The following PROM1 variants were observed in gnomAD, a reference collection of about 807,000 sequenced individuals.
The protein encoded by PROM1 is prominin 1, also known as prominin-1.
PROM1 carries 105 observed loss-of-function variants against 116.9 expected under a neutral mutation model. The observed-to-expected ratio is 0.90, with a 90% CI of 0.77 to 1.06. The LOEUF (loss-of-function observed/expected upper bound fraction) is 1.06. Among genes scored for constraint, PROM1 ranks in the 50% least tolerant of loss-of-function variants. The pLI is 0.00. For synonymous variants in PROM1, 393 were observed against 387.0 expected (o/e 1.02, Z -0.18); for missense variants, 1,122 against 1,045.2 (o/e 1.07, Z -1.01).
At chr4:16,003,195 G>A (rs1289301418) in intron 13 of PROM1, 1 of 425,840 alleles carries the variant, frequency 2.3e-6, no homozygotes, top group Non-Finnish European at 4.8e-6. Flanking sequence ...CAGGGGCCAT[G>A]TGATCTTCCA....
At chr4:16,013,127 C>T in intron 11 of PROM1, 148 bp downstream of exon 11, 1 of 646,138 alleles carries the variant, frequency 1.5e-6, no homozygotes, top group East Asian at 2.6e-5. Flanking sequence ...CCGAATGACA[C>T]AATTGTAAAG....
intron 2 of PROM1, among the ~76,000 whole-genome samples, chr4:16,042,307 T>C (rs1735502127): frequency 6.6e-6 from 1 of 152,206 alleles, no homozygotes; most frequent in Non-Finnish European, 1.5e-5. Flanking sequence ...ATTAAAGAAT[T>C]TTTGATACTA....
intron 2 of PROM1, among the ~76,000 whole-genome samples, chr4:16,050,192 C>T (rs1298102224): frequency 1.3e-5 from 2 of 151,066 alleles, no homozygotes; most frequent in Non-Finnish European, 2.9e-5. Flanking sequence ...ACCCGGGAGT[C>T]AGAGGTTGCA....
At chr4:16,069,796 G>A (rs1037544489) in intron 2 of PROM1, among the ~76,000 whole-genome samples, 4 of 152,198 alleles carry the variant, frequency 2.6e-5, no homozygotes, top group African/African-American at 9.7e-5. Context: ...GAATCAGGCA[G>A]CCCTTGGAAT....
chr4:15,988,995 C>T (rs923464122), intron 19 of PROM1, among the ~76,000 whole-genome samples: 5 of 152,136 alleles, frequency 3.3e-5, no homozygotes, highest in African/African-American at 1.2e-4. Context: ...CCACACACTT[C>T]TCTCCTTGAT....
At chr4:15,979,648 T>C (rs2149033827) in intron 25 of PROM1, among the ~76,000 whole-genome samples, 185 bp from the exon 26 acceptor site, 1 of 152,362 alleles carries the variant, frequency 6.6e-6, no homozygotes, top group Non-Finnish European at 1.5e-5. Context: ...AGGACTACTT[T>C]ATAGATTAAT....
intron 8 of PROM1, among the ~76,000 whole-genome samples, chr4:16,019,167 G>A (rs1729190995): frequency 6.6e-6 from 1 of 152,182 alleles, no homozygotes; most frequent in Non-Finnish European, 1.5e-5. Context: ...ATGCCTCAAA[G>A]GCAGTGGTCT....
chr4:16,003,365 T>A (rs1362351429), intron 13 of PROM1: 1 of 456,608 alleles, frequency 2.2e-6, no homozygotes, highest in African/African-American at 2.0e-5. Flanking sequence ...TTCCCCAAAA[T>A]GGAAATTATT....
At chr4:16,024,380 A>G (rs1456869816) in intron 6 of PROM1, 22 bp from the exon 7 acceptor site, 1 of 1,596,670 alleles carries the variant, frequency 6.3e-7, no homozygotes, top group African/African-American at 1.3e-5. Context: ...ACATTCTGTG[A>G]AACCTCCCCT....
chr4:16,010,838 T>C (rs535888915), intron 11 of PROM1, among the ~76,000 whole-genome samples: 13 of 152,278 alleles, frequency 8.5e-5, no homozygotes, highest in Non-Finnish European at 1.6e-4. Context: ...CACATAGCTA[T>C]GACATCTAGA....
intron 13 of PROM1, among the ~76,000 whole-genome samples, chr4:16,004,786 C>T (rs1724736742): frequency 6.6e-6 from 1 of 150,764 alleles, no homozygotes; most frequent in South Asian, 2.1e-4. Flanking sequence ...TCTTCTCTGT[C>T]CACAGGTACT....
At chr4:16,000,124 G>A (rs967803353) in intron 14 of PROM1, among the ~76,000 whole-genome samples, 2 of 152,242 alleles carry the variant, frequency 1.3e-5, no homozygotes, top group African/African-American at 4.8e-5. Flanking sequence ...CTCCCAGGGT[G>A]TGTGGGAGGA....
intron 2 of PROM1, among the ~76,000 whole-genome samples, chr4:16,049,321 T>C (rs937813751): frequency 1.3e-5 from 2 of 152,210 alleles, no homozygotes; most frequent in Non-Finnish European, 2.9e-5. Flanking sequence ...AGCCAAACCC[T>C]GTTCTGTTCT....
chr4:15,985,727 C>A, intron 22 of PROM1, 33 bp downstream of exon 22: 1 of 1,395,124 alleles, frequency 7.2e-7, no homozygotes, highest in Non-Finnish European at 1.0e-6. Context: ...AAACTTGACC[C>A]CCCTTAACAT....
At position 16,000,484 on chromosome 4, in the gene PROM1, A is replaced by T; in HGVS notation, c.1578+12T>A. The T allele has an allele frequency of 1.3e-6, 2 of 1,570,108 alleles. No homozygotes were observed. The highest frequency in any genetic ancestry group is 1.7e-6 in the Non-Finnish European group (2 of 1,146,824). ...TCAAGTCCTTTCATAATGGGTAGAAAATCATATTTACCCGGAATAATTCCT... is the reference window on the plus strand; with the variant it reads ...TCAAGTCCTTTCATAATGGGTAGAATATCATATTTACCCGGAATAATTCCT... On this transcript the variant is annotated intron_variant, in intron 14 of 27. Transcript: ENST00000447510.
chr4:16,008,800 T>G (rs1294580436), intron 12 of PROM1, 149 bp downstream of exon 12: 2 of 727,358 alleles, frequency 2.7e-6, no homozygotes, highest in East Asian at 5.5e-5. Context: ...CAAATTCTAA[T>G]GAACATAAAC....
intron 13 of PROM1, among the ~76,000 whole-genome samples, chr4:16,006,154 A>G (rs73798804): frequency 0.16 from 24,086 of 152,202 alleles, 2,206 homozygotes; most frequent in African/African-American, 0.25. Flanking sequence ...CCCACAAGAG[A>G]TTGGCTCAGC....
rs760633535 is a variant in PROM1 at position 15,987,720 on chromosome 4, G to C, written c.2077-4C>G. The C allele has an allele frequency of 1.9e-6, 3 of 1,607,892 alleles. No homozygotes were observed. Among genetic ancestry groups the C allele is most frequent in the East Asian group, 2.2e-5 (1 of 44,778 alleles). On this transcript the variant is annotated splice_polypyrimidine_tract_variant and splice_region_variant and intron_variant, in intron 19 of 27. Coordinates refer to ENST00000447510, the MANE Select transcript of PROM1 (RefSeq NM_006017.3). The stretch of plus-strand genomic sequence containing the variant: ...TGACGCTTTGGTATAGAGTGCTCTG[G>C]CAAGAAACAGATAATATTTCCAAAA...
At chr4:15,969,449 G>C (rs1057177440) in intron 27 of PROM1, 81 bp from the exon 28 acceptor site, 4 of 152,132 alleles carry the variant, frequency 2.6e-5, no homozygotes, top group Non-Finnish European at 5.9e-5. Context: ...ATCCTAAAAT[G>C]GTCCCCACCA....
Sources: gnomAD v4.1 joint callset for allele counts (sites outside exome capture counted in the v4.1 genomes callset) on GRCh38, gnomAD v4.1.1 for gene constraint, MANE v1.5 for transcripts, NCBI Gene and HGNC (gene_info 2026-07-23, HGNC 2026-07-21) for gene names.